The following KDM2A variants were observed in gnomAD, a reference collection of about 807,000 sequenced individuals.
KDM2A encodes lysine-specific demethylase 2A.
KDM2A carries 3 observed loss-of-function variants against 137.3 expected under a neutral mutation model. The ratio of observed to expected loss-of-function variants is 0.02; its 90% CI spans 0.01 to 0.06. The LOEUF (loss-of-function observed/expected upper bound fraction) is 0.06. Ranked by LOEUF, KDM2A falls within the 10% of genes least tolerant of loss-of-function variation. The probability of loss-of-function intolerance (pLI) is 1.00; values close to 1 mark genes in which losing one functional copy is unlikely to be tolerated. For synonymous variants in KDM2A, 512 were observed against 541.5 expected (o/e 0.95, Z 0.76); for missense variants, 738 against 1,510.6 (o/e 0.49, Z 8.48).
intron 2 of KDM2A, among the ~76,000 whole-genome samples, chr11:67,169,685 G>A (rs980430517): frequency 2.8e-5 from 4 of 144,680 alleles, no homozygotes; most frequent in Non-Finnish European, 6.1e-5. Flanking sequence ...CCATCACTTG[G>A]TTTCTTTTTT....
chr11:67,226,342 C>G (rs1479326499), intron 10 of KDM2A, among the ~76,000 whole-genome samples: 1 of 152,192 alleles, frequency 6.6e-6, no homozygotes, highest in South Asian at 2.1e-4. Context: ...AATAGACAAT[C>G]CTGATGATTC....
intron 5 of KDM2A, among the ~76,000 whole-genome samples, chr11:67,197,458 G>A (rs963689966): frequency 4.6e-5 from 7 of 152,194 alleles, no homozygotes; most frequent in Non-Finnish European, 8.8e-5. Context: ...GATTACAGGC[G>A]TGAGCCACTC....
rs780209256 is a variant in KDM2A, at chr11:67,254,199, A to G, written c.3092-4A>G. 4.3e-6 allele frequency: 7 copies of G among 1,613,048 alleles called. No individual in the cohort carries two copies. The South Asian group carries it at 4.4e-5, about 10-fold the overall frequency. On this transcript the variant is annotated splice_polypyrimidine_tract_variant and splice_region_variant and intron_variant, in intron 19 of 20. Coordinates refer to ENST00000529006, the MANE Select transcript of KDM2A (RefSeq NM_012308.3). This position sits in a 1 kb window ranked among gnomAD's most constrained non-coding sequence, Gnocchi z 4.7. ...TGATCTAGGCTCTTCTCTTGCCTGT[A>G]CAGGTCAGGACAATCGCAGCAAGCT...
At chr11:67,230,082 A>C (rs1858664549) in intron 11 of KDM2A, among the ~76,000 whole-genome samples, 4 of 152,002 alleles carry the variant, frequency 2.6e-5, no homozygotes. Flanking sequence ...AGGCTGAGGC[A>C]GAAGAATGGC....
At chr11:67,233,826 G>A (rs112230357) in intron 12 of KDM2A, among the ~76,000 whole-genome samples, 4 of 152,126 alleles carry the variant, frequency 2.6e-5, no homozygotes, top group African/African-American at 9.6e-5. Flanking sequence ...CATCTAAAGA[G>A]GAGGCTTAGC....
intron 2 of KDM2A, among the ~76,000 whole-genome samples, chr11:67,126,707 CAAA>C (rs765065960): frequency 6.6e-5 from 5 of 75,254 alleles, no homozygotes; most frequent in Non-Finnish European, 9.2e-5. Context: ...GACTCCATTT[CAAA>C]AAAAAAAAAA....
At position 67,121,325 on chromosome 11, in the gene KDM2A, CGAA is replaced by C. The variant is rs2136274002; in HGVS notation, c.16_18del (p.Glu6del). ...CAACAGAAGAGTGAGAGATGGAACC[CGAA>C]GAAGAAAGGATTCGTTACAGCCAGA... On this transcript the variant is annotated inframe_deletion, in exon 2 of 21. Coordinates refer to ENST00000529006, the MANE Select transcript of KDM2A (RefSeq NM_012308.3). 1 of 1,613,708 alleles carries C rather than the reference CGAA, an allele frequency of 6.2e-7. No homozygotes were observed. Among genetic ancestry groups the C allele is most frequent in the Non-Finnish European group, 8.5e-7 (1 of 1,179,764 alleles).
chr11:67,240,171 G>T (rs1178630377), intron 12 of KDM2A: 1 of 1,504,244 alleles, frequency 6.6e-7, no homozygotes, highest in African/African-American at 1.4e-5. Context: ...GCTCCCTCTG[G>T]GTAGTCTGAA....
At chr11:67,156,727 A>G (rs1174589616) in intron 2 of KDM2A, among the ~76,000 whole-genome samples, 2 of 151,654 alleles carry the variant, frequency 1.3e-5, no homozygotes, top group African/African-American at 4.8e-5. Context: ...TCAAAAAAAA[A>G]AAAAAAAAAA....
At chr11:67,196,587 A>C in intron 5 of KDM2A, 2 of 398,664 alleles carry the variant, frequency 5.0e-6, no homozygotes, top group Non-Finnish European at 1.0e-5. Flanking sequence ...CATTACATGA[A>C]TCCTAAGGAC....
intron 5 of KDM2A, chr11:67,196,445 A>G (rs1196863317): frequency 2.2e-6 from 1 of 456,126 alleles, no homozygotes; most frequent in South Asian, 1.5e-5. Context: ...TGGCTGAATG[A>G]TAATTCATAG....
chr11:67,201,361 C>T (rs1369053590), intron 5 of KDM2A, among the ~76,000 whole-genome samples: 1 of 151,844 alleles, frequency 6.6e-6, no homozygotes, highest in Non-Finnish European at 1.5e-5. Context: ...ATATTTATGG[C>T]CAGGCATAGT....
At chr11:67,233,754 T>C (rs924860446) in intron 12 of KDM2A, among the ~76,000 whole-genome samples, 2 of 150,498 alleles carry the variant, frequency 1.3e-5, no homozygotes, top group Non-Finnish European at 3.0e-5. Context: ...AAGGAAAAAG[T>C]AGAAAGATTT....
At chr11:67,179,637 C>G (rs1236763788) in intron 2 of KDM2A, among the ~76,000 whole-genome samples, 2 of 152,118 alleles carry the variant, frequency 1.3e-5, no homozygotes, top group African/African-American at 4.8e-5. Context: ...GGTTTTTGAT[C>G]CATTCATTCA....
chr11:67,184,505 G>GT (rs1857159653), intron 5 of KDM2A, among the ~76,000 whole-genome samples: 1 of 152,124 alleles, frequency 6.6e-6, no homozygotes, highest in South Asian at 2.1e-4. Context: ...GTGGGCGCCT[G>GT]TAATCCCAGC....
intron 6 of KDM2A, among the ~76,000 whole-genome samples, chr11:67,213,302 C>T (rs1016450181): frequency 6.6e-5 from 10 of 152,072 alleles, no homozygotes; most frequent in Non-Finnish European, 8.8e-5. Flanking sequence ...AGATATTTAC[C>T]ACATCAGCAC....
chr11:67,216,959 T>A (rs542300087), intron 8 of KDM2A, among the ~76,000 whole-genome samples: 1 of 150,870 alleles, frequency 6.6e-6, no homozygotes, highest in Non-Finnish European at 1.5e-5. Flanking sequence ...AAACATGAGG[T>A]CTTGTCCGGG....
chr11:67,204,185 A>T (rs1241485398), intron 5 of KDM2A, among the ~76,000 whole-genome samples: 1 of 152,140 alleles, frequency 6.6e-6, no homozygotes, highest in Non-Finnish European at 1.5e-5. Context: ...TACCATCATA[A>T]CCATTACGTT....
At chr11:67,223,849 T>C (rs976063217) in intron 10 of KDM2A, among the ~76,000 whole-genome samples, 1 of 152,154 alleles carries the variant, frequency 6.6e-6, no homozygotes, top group African/African-American at 2.4e-5. Flanking sequence ...TGGAGAGGCG[T>C]AGTGTATTAT....
Sources: gnomAD v4.1 joint callset for allele counts (sites outside exome capture counted in the v4.1 genomes callset) on GRCh38, gnomAD v4.1.1 for gene constraint, Gnocchi (gnomAD v3.1) non-coding constraint, MANE v1.5 for transcripts, NCBI Gene and HGNC (gene_info 2026-07-23, HGNC 2026-07-21) for gene names.